The following SPEF2 variants were observed in gnomAD, a reference collection of about 807,000 sequenced individuals.
The protein encoded by SPEF2 is sperm flagella and cilia-associated protein 2.
Under a neutral mutation model 224.6 loss-of-function variants are expected in SPEF2, and 187 were observed. That is an observed-to-expected ratio of 0.83 (90% CI 0.74 to 0.94). The LOEUF (loss-of-function observed/expected upper bound fraction) is 0.94, where lower values mean the gene tolerates loss of function less well. SPEF2 is among the 40% of genes least tolerant of loss of function. The pLI is 0.00. For synonymous variants in SPEF2, 715 were observed against 707.3 expected, an observed-to-expected ratio of 1.01 and a Z score of -0.17; for missense variants, 2,170 against 2,135.6, an observed-to-expected ratio of 1.02 and a Z score of -0.32.
chr5:35,670,464 A>C, intron 10 of SPEF2: 1 of 1,158,204 alleles, frequency 8.6e-7, no homozygotes, highest in Non-Finnish European at 1.1e-6. Context: ...CATCAAGCAT[A>C]GTAATTGTCT....
At chr5:35,688,421 A>C (rs557918588) in intron 10 of SPEF2, among the ~76,000 whole-genome samples, 1 of 152,308 alleles carries the variant, frequency 6.6e-6, no homozygotes, top group South Asian at 2.1e-4. Context: ...TAATTTACTA[A>C]GATATTGTTT....
intron 34 of SPEF2, among the ~76,000 whole-genome samples, chr5:35,806,025 A>G (rs1403890770): frequency 1.3e-5 from 2 of 152,202 alleles, no homozygotes; most frequent in Non-Finnish European, 2.9e-5. Context: ...GGGCAAATGA[A>G]TATTTCTTCA....
intron 24 of SPEF2, among the ~76,000 whole-genome samples, chr5:35,756,607 G>A (rs552255162): frequency 8.1e-4 from 123 of 152,256 alleles, no homozygotes; most frequent in Non-Finnish European, 1.5e-3. Context: ...TTGGAGGACC[G>A]GTGGAAAGCA....
chr5:35,679,232 G>A (rs779311154), intron 10 of SPEF2, among the ~76,000 whole-genome samples: 19 of 152,114 alleles, frequency 1.2e-4, no homozygotes, highest in East Asian at 1.9e-4. Flanking sequence ...AGACCCAGCC[G>A]GAAGGTCAGC....
At chr5:35,684,605 T>G (rs1035584012) in intron 10 of SPEF2, among the ~76,000 whole-genome samples, 73 of 152,212 alleles carry the variant, frequency 4.8e-4, no homozygotes, top group African/African-American at 1.8e-3. Flanking sequence ...CTAAACTGTT[T>G]ATAGTCAGAG....
intron 28 of SPEF2, among the ~76,000 whole-genome samples, chr5:35,775,893 A>G (rs1397904244): frequency 2.6e-5 from 4 of 152,176 alleles, no homozygotes; most frequent in African/African-American, 7.2e-5. Context: ...GCTGAGAAAT[A>G]CAATGGCAAT....
intron 36 of SPEF2, among the ~76,000 whole-genome samples, chr5:35,812,993 T>C (rs1758631017): frequency 6.6e-6 from 1 of 152,228 alleles, no homozygotes; most frequent in African/African-American, 2.4e-5. Flanking sequence ...CTCCATTCAC[T>C]GCTACTGAAA....
At chr5:35,805,963 GT>G (rs375657106) in intron 34 of SPEF2, among the ~76,000 whole-genome samples, 16 of 152,054 alleles carry the variant, frequency 1.1e-4, no homozygotes, top group African/African-American at 3.9e-4. Flanking sequence ...GGAATCTTAG[GT>G]TTTCTATTTT....
At chr5:35,712,300 G>A (rs951499911) in intron 19 of SPEF2, among the ~76,000 whole-genome samples, 5 of 150,988 alleles carry the variant, frequency 3.3e-5, no homozygotes, top group Non-Finnish European at 5.9e-5. Context: ...TCACTATGTT[G>A]CCCAGGCCAT....
At chr5:35,632,324 A>ACATCCTTT (rs930022631) in intron 2 of SPEF2, among the ~76,000 whole-genome samples, 1 of 152,198 alleles carries the variant, frequency 6.6e-6, no homozygotes, top group African/African-American at 2.4e-5. Context: ...GGAAGCAAAC[A>ACATCCTTT]CATCCTTTTT....
chr5:35,641,428 C>T lies in SPEF2; in HGVS notation c.162-3C>T. ...TAATTATGTAAAATATTTTACTGTCCAGGGTTTCAAGTGCCAAACTTAATA... is the reference window on the plus strand; with the variant it reads ...TAATTATGTAAAATATTTTACTGTCTAGGGTTTCAAGTGCCAAACTTAATA... On this transcript the variant is annotated splice_region_variant and splice_polypyrimidine_tract_variant and intron_variant, in intron 2 of 36. Transcript: ENST00000356031. 6.2e-7 allele frequency: 1 copy of T among 1,609,462 alleles called. No homozygotes were observed. Among genetic ancestry groups the T allele is most frequent in the Non-Finnish European group, 8.5e-7 (1 of 1,177,966 alleles).
At chr5:35,741,678 G>A (rs888485470) in intron 23 of SPEF2, among the ~76,000 whole-genome samples, 48 of 152,174 alleles carry the variant, frequency 3.2e-4, no homozygotes, top group Middle Eastern at 3.2e-3. Flanking sequence ...GAAGCAAGGC[G>A]TCATTGTGGC....
intron 2 of SPEF2, among the ~76,000 whole-genome samples, chr5:35,637,615 A>G (rs923955917): frequency 1.3e-5 from 2 of 152,204 alleles, no homozygotes; most frequent in African/African-American, 4.8e-5. Context: ...TGTCATACCA[A>G]ATAAACCCTT....
At chr5:35,670,455 A>G in intron 10 of SPEF2, 2 of 1,171,846 alleles carry the variant, frequency 1.7e-6, no homozygotes, top group African/African-American at 1.6e-5. Flanking sequence ...CTGAAAAAAC[A>G]TCAAGCATAG....
rs756200795 is a variant in SPEF2, at chr5:35,776,340, G to GTA, written c.4167_4168dup (p.Lys1390IlefsTer13). 6.2e-7 allele frequency: 1 copy of GTA among 1,612,958 alleles called. No homozygotes were observed. ...AGATTTAGTAACAAAGGTGGTTGAT[G>GTA]TATATAAACTCATGGAAAAATGGCT... On this transcript the variant is annotated frameshift_variant, in exon 29 of 37. Coordinates refer to ENST00000356031, the MANE Select transcript of SPEF2 (RefSeq NM_024867.4). LOFTEE classifies it high-confidence loss of function.
At chr5:35,730,776 T>C (rs1453885721) in intron 21 of SPEF2, among the ~76,000 whole-genome samples, 1 of 152,194 alleles carries the variant, frequency 6.6e-6, no homozygotes, top group Non-Finnish European at 1.5e-5. Flanking sequence ...GCCCTAGTTA[T>C]CAGGAAAGCA....
rs780739639 is a variant in SPEF2, at chr5:35,807,533, T to C, written c.5379+280T>C. The C allele has an allele frequency of 3.9e-5, 43 of 1,106,052 alleles. No homozygotes were observed. In the Admixed American group the frequency reaches 5.1e-4, roughly 13 times the overall value. 68.5% of individuals were successfully genotyped at this position (1,106,052 alleles called of 1,614,324 possible). Reference sequence around the variant, plus strand: ...GTAGCCATGTAATGACCCTAGCCTGTGATTGAAGGGTTTGGAGAATAAGAT... The same window carrying C: ...GTAGCCATGTAATGACCCTAGCCTGCGATTGAAGGGTTTGGAGAATAAGAT... On this transcript the variant is annotated intron_variant, in intron 36 of 36. Transcript: ENST00000356031.
chr5:35,758,033 G>C (rs1172952176), intron 24 of SPEF2, among the ~76,000 whole-genome samples: 1 of 152,022 alleles, frequency 6.6e-6, no homozygotes, highest in Non-Finnish European at 1.5e-5. Flanking sequence ...CTTGTCTTTT[G>C]TTGTAGACTG....
intron 16 of SPEF2, chr5:35,702,435 G>T: frequency 2.4e-6 from 1 of 410,288 alleles, no homozygotes; most frequent in Non-Finnish European, 4.9e-6. Context: ...GACTGCCTCC[G>T]CTGTTTAGCC....
Sources: gnomAD v4.1 joint callset for allele counts (sites outside exome capture counted in the v4.1 genomes callset) on GRCh38, gnomAD v4.1.1 for gene constraint, MANE v1.5 for transcripts, NCBI Gene and HGNC (gene_info 2026-07-23, HGNC 2026-07-21) for gene names.